ERG: variants seen among roughly 807,000 people sequenced by gnomAD.
ERG encodes the protein ETS transcription factor ERG.
In ERG, 9 loss-of-function variants were observed where a neutral mutation model predicts 55.3. The ratio of observed to expected loss-of-function variants is 0.16; its 90% CI spans 0.10 to 0.28. ERG has a LOEUF of 0.28. ERG is among the 10% of genes least tolerant of loss of function. ERG has a pLI of 1.00. For missense variants in ERG, 434 were observed against 631.6 expected, an observed-to-expected ratio of 0.69 and a Z score of 3.35; for synonymous variants, 223 against 237.3, an observed-to-expected ratio of 0.94 and a Z score of 0.55.
At chr21:38,634,074 C>A (rs1023979201) in intron 1 of ERG, among the ~76,000 whole-genome samples, 1 of 152,080 alleles carries the variant, frequency 6.6e-6, no homozygotes, top group African/African-American at 2.4e-5. Flanking sequence ...AATATGATAA[C>A]TCTAAAATAC....
chr21:38,496,621 A>C (rs548177675), intron 1 of ERG, among the ~76,000 whole-genome samples: 2 of 152,370 alleles, frequency 1.3e-5, no homozygotes, highest in East Asian at 1.9e-4. Context: ...CACATAATGC[A>C]ATGTAATAAA....
intron 2 of ERG, among the ~76,000 whole-genome samples, chr21:38,556,362 C>T (rs982806011): frequency 1.1e-4 from 17 of 152,030 alleles, no homozygotes; most frequent in African/African-American, 4.1e-4. Flanking sequence ...TTGTTGTTCA[C>T]AGTGACATCA....
chr21:38,549,517 A>G (rs572569363), intron 2 of ERG, among the ~76,000 whole-genome samples: 1 of 152,304 alleles, frequency 6.6e-6, no homozygotes, highest in South Asian at 2.1e-4. Context: ...ACACACATAT[A>G]CAGTAATGCA....
the ERG span, among the ~76,000 whole-genome samples, chr21:38,370,088 G>A: frequency 2.5e-4 from 38 of 152,112 alleles, no homozygotes; most frequent in African/African-American, 7.7e-4. Context: ...GCTTAGGACT[G>A]TCTTGGCTAT....
chr21:38,412,367 C>G (rs191540549), intron 3 of ERG, among the ~76,000 whole-genome samples: 58 of 152,118 alleles, frequency 3.8e-4, no homozygotes, highest in African/African-American at 1.3e-3. Context: ...TCCTGTTAAT[C>G]TTTAAACAAA....
intron 2 of ERG, among the ~76,000 whole-genome samples, chr21:38,547,863 A>T (rs1218074915): frequency 3.3e-5 from 5 of 152,232 alleles, no homozygotes; most frequent in African/African-American, 9.6e-5. Context: ...ACCACTGTTA[A>T]GTAGAGGCAA....
chr21:38,395,056 C>T (rs1988144879), intron 6 of ERG, among the ~76,000 whole-genome samples: 1 of 152,192 alleles, frequency 6.6e-6, no homozygotes, highest in Non-Finnish European at 1.5e-5. Flanking sequence ...AAACTTAACA[C>T]CAAACAGTCT....
chr21:38,607,999 T>C (rs74758303), intron 1 of ERG, among the ~76,000 whole-genome samples: 1,846 of 152,130 alleles, frequency 0.012, 40 homozygotes, highest in African/African-American at 0.041. Flanking sequence ...AAACAGGAGA[T>C]TGGGATAGGC....
At chr21:38,417,744 G>A (rs374900720) in intron 3 of ERG, among the ~76,000 whole-genome samples, 7 of 152,134 alleles carry the variant, frequency 4.6e-5, no homozygotes, top group Middle Eastern at 3.4e-3. Context: ...AGCCGTGACC[G>A]CGCCATTGCA....
At chr21:38,531,808 A>G (rs1404129245) in intron 2 of ERG, among the ~76,000 whole-genome samples, 1 of 152,178 alleles carries the variant, frequency 6.6e-6, no homozygotes, top group Non-Finnish European at 1.5e-5. Context: ...GTGAGTGTGC[A>G]TGTTTCCAAT....
intron 3 of ERG, among the ~76,000 whole-genome samples, chr21:38,414,054 G>A (rs1249031094): frequency 1.3e-5 from 2 of 152,194 alleles, no homozygotes; most frequent in Non-Finnish European, 2.9e-5. Context: ...GAGGATCAAA[G>A]TCTGAAATCA....
chr21:38,395,132 C>T (rs775019466), intron 6 of ERG, among the ~76,000 whole-genome samples: 18 of 152,276 alleles, frequency 1.2e-4, no homozygotes, highest in East Asian at 1.9e-4. Context: ...AACATATTGC[C>T]GCGGAAGATA....
At chr21:38,450,543 A>AATTT (rs1388731662) in intron 1 of ERG, among the ~76,000 whole-genome samples, 1 of 152,034 alleles carries the variant, frequency 6.6e-6, no homozygotes, top group South Asian at 2.1e-4. Flanking sequence ...CCAATACAAA[A>AATTT]CCCTTCCTTA....
chr21:38,413,612 C>T (rs1989153898), intron 3 of ERG, among the ~76,000 whole-genome samples: 1 of 152,122 alleles, frequency 6.6e-6, no homozygotes, highest in Non-Finnish European at 1.5e-5. Context: ...TTTTGTTAGG[C>T]TCTAAACATA....
intron 1 of ERG, among the ~76,000 whole-genome samples, chr21:38,464,900 T>A (rs966075869): frequency 6.6e-6 from 1 of 152,232 alleles, no homozygotes; most frequent in Non-Finnish European, 1.5e-5. Flanking sequence ...GAACTCATCC[T>A]TTTTTATGGC....
chr21:38,604,878 T>C (rs2060187355), intron 1 of ERG, among the ~76,000 whole-genome samples: 1 of 152,256 alleles, frequency 6.6e-6, no homozygotes, highest in Non-Finnish European at 1.5e-5. Flanking sequence ...ACAAGCCATT[T>C]GCTCTTGTTG....
intron 2 of ERG, among the ~76,000 whole-genome samples, chr21:38,443,542 C>T (rs546413112): frequency 1.3e-5 from 2 of 152,314 alleles, no homozygotes; most frequent in South Asian, 4.1e-4. Flanking sequence ...TGATCTACTG[C>T]ATAAACACTG....
In ERG at chr21:38,382,769, C is replaced by T. The variant is rs1375060853; in HGVS notation, c.*634G>A. 5.6e-6 allele frequency: 6 copies of T among 1,066,044 alleles called. No individual in the cohort carries two copies. The highest frequency in any genetic ancestry group is 6.8e-6 in the Non-Finnish European group (6 of 879,488). The allele number at this position is 1,066,044 out of a possible 1,614,324, so 66.0% of individuals were successfully genotyped here. On this transcript the variant is annotated 3_prime_UTR_variant, in exon 10 of 10. Transcript: ENST00000288319. ...AGTCCCACCTTTTAGTTCATAGTCCCGGTAATACTGTAAAGGAGTTGGAAA... is the reference window on the plus strand; with the variant it reads ...AGTCCCACCTTTTAGTTCATAGTCCTGGTAATACTGTAAAGGAGTTGGAAA...
rs1179105323 is a variant in ERG, at chr21:38,381,709, T to G, written c.*1694A>C. ...GAATTAAGGGTGATTTGTGACCAGG[T>G]GCTGAACTAGAATTTCTCAATGACA... On this transcript the variant is annotated 3_prime_UTR_variant, in exon 10 of 10. Transcript: ENST00000288319. 9.4e-7 allele frequency: 1 copy of G among 1,063,408 alleles called. No individual in the cohort carries two copies. The highest frequency in any genetic ancestry group is 1.6e-5 in the African/African-American group (1 of 60,990). 65.9% of individuals were successfully genotyped at this position (1,063,408 alleles called of 1,614,324 possible).
Sources: gnomAD v4.1 joint callset for allele counts (sites outside exome capture counted in the v4.1 genomes callset) on GRCh38, gnomAD v4.1.1 for gene constraint, MANE v1.5 for transcripts, NCBI Gene and HGNC (gene_info 2026-07-23, HGNC 2026-07-21) for gene names.